Variants in ZDHHC3 observed in about 807,000 individuals in gnomAD.
The protein encoded by ZDHHC3 is zDHHC palmitoyltransferase 3.
In ZDHHC3, 9 loss-of-function variants were observed where a neutral mutation model predicts 30.6. The ratio of observed to expected loss-of-function variants is 0.29; its 90% CI spans 0.18 to 0.51. The LOEUF (loss-of-function observed/expected upper bound fraction) is 0.51, where lower values mean the gene tolerates loss of function less well. ZDHHC3 is among the 20% of genes least tolerant of loss of function. The probability of loss-of-function intolerance (pLI) is 0.97; values close to 1 mark genes in which losing one functional copy is unlikely to be tolerated. For missense variants in ZDHHC3, 246 were observed against 384.2 expected, an observed-to-expected ratio of 0.64 and a Z score of 3.01; for synonymous variants, 136 against 140.2, an observed-to-expected ratio of 0.97 and a Z score of 0.21.
chr3:44,944,303 C>T (rs1385858748), intron 3 of ZDHHC3, among the ~76,000 whole-genome samples: 3 of 152,158 alleles, frequency 2.0e-5, no homozygotes, highest in East Asian at 3.9e-4. Flanking sequence ...TGTGCCACCA[C>T]GCCCGGCTAA....
In ZDHHC3 at chr3:44,917,253, A is replaced by ATCTCGGTG; in HGVS notation, c.*9435_*9436insCACCGAGA. ...ACATGTCCTGCACATGTGTGTGTAG[A>ATCTCGGTG]GCTTAATGCAGGGTCCTCTTTGAAC... On this transcript the variant is annotated 3_prime_UTR_variant, in exon 7 of 7. Transcript: ENST00000424952. The ATCTCGGTG allele has an allele frequency of 1.3e-5, 2 of 157,736 alleles. No individual in the cohort carries two copies. The highest frequency in any genetic ancestry group is 2.8e-5 in the Non-Finnish European group (2 of 71,000). The allele number at this position is 157,736 out of a possible 1,614,324, so 9.8% of individuals were successfully genotyped here.
chr3:44,971,272 T>C lies in ZDHHC3; in HGVS notation c.-25+4661A>G, dbSNP rs1160443786. Among the ~76,000 whole-genome samples the C allele has an allele frequency of 5.9e-5, 9 of 152,224 alleles. No homozygotes were observed. In the East Asian group the frequency reaches 1.7e-3, roughly 29 times the overall value. On this transcript the variant is annotated intron_variant, in intron 1 of 6. Transcript: ENST00000424952. ...TCTTGCCAAGAGTTCAAGTGCCAAG[T>C]CAATACATACTACGAAGTCTATGGT...
Position 44,916,471 on chromosome 3 carries a change from T to G in ZDHHC3, c.*10218A>C, listed in dbSNP as rs1700174036. ...CTCTGAACTGCAGCCACAGGCCCCTTGGGGCCAGGACTCATGCCCTTTTGC... is the reference window on the plus strand; with the variant it reads ...CTCTGAACTGCAGCCACAGGCCCCTGGGGGCCAGGACTCATGCCCTTTTGC... On this transcript the variant is annotated 3_prime_UTR_variant, in exon 7 of 7. Transcript: ENST00000424952. The G allele has an allele frequency of 6.6e-6, 1 of 152,256 alleles. No homozygotes were observed. Among genetic ancestry groups the G allele is most frequent in the African/African-American group, 2.4e-5 (1 of 41,448 alleles). 9.4% of individuals were successfully genotyped at this position (152,256 alleles called of 1,614,324 possible).
chr3:44,916,053 G>A lies in ZDHHC3; in HGVS notation c.*10636C>T, dbSNP rs1700143173. On this transcript the variant is annotated 3_prime_UTR_variant, in exon 7 of 7. Transcript: ENST00000424952. ...TTAATGGCCTTTACAGCTGACTCGG[G>A]CTCCTATGTCGTCATTAATAAATAT... 6.6e-6 allele frequency: 1 copy of A among 152,164 alleles called. No homozygotes were observed. The highest frequency in any genetic ancestry group is 6.5e-5 in the Admixed American group (1 of 15,276). The allele number at this position is 152,164 out of a possible 1,614,324, so 9.4% of individuals were successfully genotyped here.
chr3:44,944,676 G>T (rs1344604279), intron 3 of ZDHHC3, among the ~76,000 whole-genome samples: 1 of 152,186 alleles, frequency 6.6e-6, no homozygotes, highest in African/African-American at 2.4e-5. Flanking sequence ...CAGATAAGAT[G>T]GGGAAATGGC....
intron 2 of ZDHHC3, among the ~76,000 whole-genome samples, chr3:44,946,793 G>A (rs879352427): frequency 5.3e-5 from 8 of 152,314 alleles, no homozygotes; most frequent in Admixed American, 1.3e-4. Context: ...TGAACTGTGC[G>A]TATGCAGTGT....
At position 44,923,355 on chromosome 3, in the gene ZDHHC3, C is replaced by T. The variant is rs139532510; in HGVS notation, c.*3334G>A. Reference sequence around the variant, plus strand: ...CCTCCCAAAGTGCTGGGATTACAGGCGTGAGGGATGTCCACAGTGAGAAGT... The same window carrying T: ...CCTCCCAAAGTGCTGGGATTACAGGTGTGAGGGATGTCCACAGTGAGAAGT... On this transcript the variant is annotated 3_prime_UTR_variant, in exon 7 of 7. Coordinates refer to ENST00000424952, the MANE Select transcript of ZDHHC3 (RefSeq NM_001135179.2). 177 of 985,364 alleles carry T rather than the reference C, an allele frequency of 1.8e-4. 5 individuals are homozygous for T. The East Asian group carries it at 0.012, about 69-fold the overall frequency. The allele number at this position is 985,364 out of a possible 1,614,324, so 61.0% of individuals were successfully genotyped here.
At chr3:44,954,299 T>C (rs1703734497) in intron 2 of ZDHHC3, among the ~76,000 whole-genome samples, 1 of 152,238 alleles carries the variant, frequency 6.6e-6, no homozygotes, top group Admixed American at 6.5e-5. Flanking sequence ...TCATGATGTT[T>C]CAGTCAATGA....
intron 2 of ZDHHC3, among the ~76,000 whole-genome samples, chr3:44,955,662 G>T (rs1703889177): frequency 6.6e-6 from 1 of 152,036 alleles, no homozygotes; most frequent in Non-Finnish European, 1.5e-5. Context: ...TCTAAAAAAA[G>T]ACGACTGCAA....
intron 2 of ZDHHC3, among the ~76,000 whole-genome samples, chr3:44,956,138 G>A (rs1030545305): frequency 1.3e-5 from 2 of 152,224 alleles, no homozygotes; most frequent in Non-Finnish European, 2.9e-5. Flanking sequence ...ACGCTTCAAT[G>A]CAGTGGGTAA....
In ZDHHC3 at chr3:44,920,612, C is replaced by T. The variant is rs916399134; in HGVS notation, c.*6077G>A. The T allele has an allele frequency of 5.1e-6, 5 of 985,266 alleles. No homozygotes were observed. The highest frequency in any genetic ancestry group is 4.7e-5 in the South Asian group (1 of 21,288). The allele number at this position is 985,266 out of a possible 1,614,324, so 61.0% of individuals were successfully genotyped here. A position where few individuals can be genotyped will look rare whatever the true frequency, so the allele number is the denominator to read the frequency against. Reference sequence around the variant, plus strand: ...TTATGTATCAGAACTGGAACCAGAACTAGTGTCTTTTTTTCTGCCCAACAG... The same window carrying T: ...TTATGTATCAGAACTGGAACCAGAATTAGTGTCTTTTTTTCTGCCCAACAG... On this transcript the variant is annotated 3_prime_UTR_variant, in exon 7 of 7. Transcript: ENST00000424952.
chr3:44,949,182 C>T (rs1214603575), intron 2 of ZDHHC3, among the ~76,000 whole-genome samples: 4 of 151,890 alleles, frequency 2.6e-5, no homozygotes, highest in Admixed American at 2.6e-4. Flanking sequence ...CAAAAGCAAA[C>T]ACATTTTGGT....
chr3:44,936,456 A>C (rs541318789), intron 3 of ZDHHC3, among the ~76,000 whole-genome samples: 17 of 152,352 alleles, frequency 1.1e-4, no homozygotes, highest in African/African-American at 3.1e-4. Context: ...GCAATTCCTC[A>C]AAGAGCTAAA....
Position 44,922,558 on chromosome 3 carries a change from T to G in ZDHHC3, c.*4131A>C. The stretch of plus-strand genomic sequence containing the variant: ...TCCGCGGAGGGAACACGTGCCTGTC[T>G]CACAATCAGCACACCCCAACTGCAC... On this transcript the variant is annotated 3_prime_UTR_variant, in exon 7 of 7. Transcript: ENST00000424952. 1 of 985,366 alleles carries G rather than the reference T, an allele frequency of 1.0e-6. No individual in the cohort carries two copies. Among genetic ancestry groups the G allele is most frequent in the East Asian group, 1.1e-4 (1 of 8,814 alleles). The allele number at this position is 985,366 out of a possible 1,614,324, so 61.0% of individuals were successfully genotyped here.
At position 44,933,111 on chromosome 3, in the gene ZDHHC3, T is replaced by C. The variant is rs1019440117; in HGVS notation, c.610+7A>G. On this transcript the variant is annotated splice_region_variant and intron_variant, in intron 5 of 6. Transcript: ENST00000424952. ...GAGCAGGGAGGAAAGCCTCAGCACATACTCACTTGTCCAATCTTCTTCAAA... is the reference window on the plus strand; with the variant it reads ...GAGCAGGGAGGAAAGCCTCAGCACACACTCACTTGTCCAATCTTCTTCAAA... 4 of 1,613,952 alleles carry C rather than the reference T, an allele frequency of 2.5e-6. No individual in the cohort carries two copies. The African/African-American group carries it at 5.3e-5, about 22-fold the overall frequency.
chr3:44,937,106 T>C (rs1286954182), intron 3 of ZDHHC3, among the ~76,000 whole-genome samples: 1 of 152,118 alleles, frequency 6.6e-6, no homozygotes, highest in African/African-American at 2.4e-5. Flanking sequence ...TGAAATGCTA[T>C]AAACAAAGCT....
rs976174736 is a variant in ZDHHC3, at chr3:44,923,221, G to A, written c.*3468C>T. 6 of 802,784 alleles carry A rather than the reference G, an allele frequency of 7.5e-6. No individual in the cohort carries two copies. Among genetic ancestry groups the A allele is most frequent in the Non-Finnish European group, 9.0e-6 (6 of 664,042 alleles). The allele number at this position is 802,784 out of a possible 1,614,324, so 49.7% of individuals were successfully genotyped here. Reference sequence around the variant, plus strand: ...CTCCCAAGTAGCTGGGACTACAGACGCCTGCCACCACGCCCAGCTAATTTT... The same window carrying A: ...CTCCCAAGTAGCTGGGACTACAGACACCTGCCACCACGCCCAGCTAATTTT... On this transcript the variant is annotated 3_prime_UTR_variant, in exon 7 of 7. Transcript: ENST00000424952.
chr3:44,973,965 T>G (rs1281862793), intron 1 of ZDHHC3, among the ~76,000 whole-genome samples: 1 of 152,228 alleles, frequency 6.6e-6, no homozygotes, highest in Non-Finnish European at 1.5e-5. Flanking sequence ...CTTCTTGATT[T>G]TTTTGGTTAT....
At chr3:44,943,221 G>A (rs1249136025) in intron 3 of ZDHHC3, among the ~76,000 whole-genome samples, 4 of 152,228 alleles carry the variant, frequency 2.6e-5, no homozygotes, top group Non-Finnish European at 4.4e-5. Flanking sequence ...CCAAACTGGA[G>A]TTCCTGTGGA....
Sources: gnomAD v4.1 joint callset for allele counts (sites outside exome capture counted in the v4.1 genomes callset) on GRCh38, gnomAD v4.1.1 for gene constraint, MANE v1.5 for transcripts, NCBI Gene and HGNC (gene_info 2026-07-23, HGNC 2026-07-21) for gene names.